WDR27: variants seen among roughly 807,000 people sequenced by gnomAD.
The protein encoded by WDR27 is WD repeat domain 27.
WDR27 carries 100 observed loss-of-function variants against 114.4 expected under a neutral mutation model. The observed-to-expected ratio is 0.87, with a 90% CI of 0.74 to 1.03. WDR27 has a LOEUF of 1.03. Among genes scored for constraint, WDR27 ranks in the 50% least tolerant of loss-of-function variants. The probability of loss-of-function intolerance (pLI) is 0.00; values close to 1 mark genes in which losing one functional copy is unlikely to be tolerated. For missense variants in WDR27, 1,129 were observed against 1,092.9 expected (o/e 1.03, Z -0.47); for synonymous variants, 449 against 423.1 (o/e 1.06, Z -0.75).
chr6:169,506,424 G>C (rs1792005066), intron 25 of WDR27, among the ~76,000 whole-genome samples: 1 of 152,170 alleles, frequency 6.6e-6, no homozygotes, highest in African/African-American at 2.4e-5. Context: ...AATCTTAATG[G>C]AGTAACTTTC....
At chr6:169,664,586 C>T (rs971601828) in intron 7 of WDR27, 2 of 1,254,820 alleles carry the variant, frequency 1.6e-6, no homozygotes, top group Non-Finnish European at 2.0e-6. Context: ...CCCAGGCTCT[C>T]TGCACACACC....
intron 25 of WDR27, among the ~76,000 whole-genome samples, chr6:169,525,649 A>G (rs1794892784): frequency 6.6e-6 from 1 of 152,224 alleles, no homozygotes; most frequent in African/African-American, 2.4e-5. Context: ...TGTTAAGAAT[A>G]TAAATTGGCA....
rs1463161675 is a variant in WDR27 at position 169,644,580 on chromosome 6, G to T, written c.1658-794C>A. On this transcript the variant is annotated intron_variant, in intron 16 of 25. Transcript: ENST00000448612. ...ACACTGTCGAAAAGCCTAGTTCACA[G>T]GAGTCACACTGTGGAAAACCCTAGT... 3.6e-4 allele frequency among the ~76,000 whole-genome samples: 51 copies of T among 143,132 alleles called. 1 individual carries two copies. Among genetic ancestry groups the T allele is most frequent in the African/African-American group, 1.0e-3 (41 of 40,150 alleles). 93.9% of individuals were successfully genotyped at this position (143,132 alleles called of 152,430 possible). A position where few individuals can be genotyped will look rare whatever the true frequency, so the allele number is the denominator to read the frequency against.
the WDR27 span, among the ~76,000 whole-genome samples, chr6:169,450,484 A>C: frequency 6.6e-6 from 1 of 152,192 alleles, no homozygotes; most frequent in Non-Finnish European, 1.5e-5. Context: ...GCCCTCACCC[A>C]ACCACCACTG....
At chr6:169,557,193 G>GA (rs1688027117) in intron 25 of WDR27, among the ~76,000 whole-genome samples, 1 of 152,224 alleles carries the variant, frequency 6.6e-6, no homozygotes. Flanking sequence ...CCACACAGGG[G>GA]AAAATGCCTC....
the WDR27 span, among the ~76,000 whole-genome samples, chr6:169,428,668 A>AC: frequency 6.6e-6 from 1 of 152,074 alleles, no homozygotes; most frequent in Non-Finnish European, 1.5e-5. Flanking sequence ...CAAGGGAGGC[A>AC]CATTTCCCAA....
At chr6:169,516,903 G>T (rs1233612541) in intron 25 of WDR27, among the ~76,000 whole-genome samples, 1 of 151,670 alleles carries the variant, frequency 6.6e-6, no homozygotes, top group Non-Finnish European at 1.5e-5. Context: ...TGTCCTGAGT[G>T]AATGCTGAAA....
rs531003112 is a variant in WDR27 at position 169,694,836 on chromosome 6, C to T, written c.-7-5824G>A. On this transcript the variant is annotated intron_variant, in intron 1 of 25. Coordinates refer to ENST00000448612, the MANE Select transcript of WDR27 (RefSeq NM_182552.5). ...AGTGTGGCCTCCCACCGTTGCAGGG[C>T]GCTGCGGAAGAAAGCATCTCTTTCC... Among the ~76,000 whole-genome samples the T allele has an allele frequency of 1.8e-3, 269 of 152,340 alleles. 7 individuals are homozygous for T. The South Asian group carries it at 0.048, about 27-fold the overall frequency.
chr6:169,530,368 C>T (rs1795442573), intron 25 of WDR27, among the ~76,000 whole-genome samples: 2 of 152,192 alleles, frequency 1.3e-5, no homozygotes, highest in South Asian at 2.1e-4. Context: ...AAAACAAGTC[C>T]TCAGTGACTA....
intron 25 of WDR27, among the ~76,000 whole-genome samples, chr6:169,533,761 A>C (rs1236331474): frequency 6.6e-6 from 1 of 152,164 alleles, no homozygotes; most frequent in Non-Finnish European, 1.5e-5. Context: ...CTCTCAAGGA[A>C]GGTGACAATC....
chr6:169,456,530 C>T (rs1784352590), downstream of WDR27, among the ~76,000 whole-genome samples: 1 of 152,290 alleles, frequency 6.6e-6, no homozygotes, highest in South Asian at 2.1e-4. The surrounding 1 kb of genome is among the most constrained non-coding windows in gnomAD (Gnocchi z 4.0). Flanking sequence ...GCCTTGGAAG[C>T]ATCCTCATTC....
chr6:169,561,912 C>T (rs73037112), intron 25 of WDR27, among the ~76,000 whole-genome samples: 6,814 of 152,202 alleles, frequency 0.045, 227 homozygotes, highest in Middle Eastern at 0.095. Flanking sequence ...GCTAGAGTGG[C>T]TATATTAATA....
chr6:169,430,974 G>A, the WDR27 span, among the ~76,000 whole-genome samples: 2 of 152,050 alleles, frequency 1.3e-5, no homozygotes, highest in African/African-American at 4.8e-5. Context: ...CCGGGGGTGG[G>A]AGCACTCAGG....
intron 24 of WDR27, among the ~76,000 whole-genome samples, chr6:169,579,131 G>A (rs1474949933): frequency 6.6e-6 from 1 of 152,124 alleles, no homozygotes; most frequent in African/African-American, 2.4e-5. Context: ...AGTCAATAGT[G>A]AACTGGCCAT....
chr6:169,697,523 G>A (rs978374766), intron 1 of WDR27, among the ~76,000 whole-genome samples: 15 of 152,270 alleles, frequency 9.9e-5, no homozygotes, highest in South Asian at 2.1e-4. Context: ...ACTGTAATCC[G>A]GAGGCCTAAC....
chr6:169,479,978 C>A (rs1787731811), intron 25 of WDR27, among the ~76,000 whole-genome samples: 2 of 152,232 alleles, frequency 1.3e-5, no homozygotes, highest in Admixed American at 1.3e-4. Flanking sequence ...CTGTGGGAGC[C>A]CCTCTCTGGG....
At chr6:169,651,312 T>G (rs760093904) in intron 14 of WDR27, among the ~76,000 whole-genome samples, 1 of 151,756 alleles carries the variant, frequency 6.6e-6, no homozygotes, top group Admixed American at 6.6e-5. Context: ...ACAGAGCCAT[T>G]TTGGCCGCTA....
chr6:169,570,603 C>T (rs185215188), intron 25 of WDR27, among the ~76,000 whole-genome samples: 7 of 152,238 alleles, frequency 4.6e-5, no homozygotes, highest in Admixed American at 1.3e-4. Flanking sequence ...CCTAGGCGGG[C>T]GGATCACCTG....
chr6:169,625,275 C>T (rs1039634332), intron 21 of WDR27, among the ~76,000 whole-genome samples: 3 of 152,206 alleles, frequency 2.0e-5, no homozygotes, highest in Non-Finnish European at 4.4e-5. Flanking sequence ...ATGCTAGTAA[C>T]GGATGGCTCT....
Sources: gnomAD v4.1 joint callset for allele counts (sites outside exome capture counted in the v4.1 genomes callset) on GRCh38, gnomAD v4.1.1 for gene constraint, Gnocchi (gnomAD v3.1) non-coding constraint, MANE v1.5 for transcripts, NCBI Gene and HGNC (gene_info 2026-07-23, HGNC 2026-07-21) for gene names.